SPRY4: variants seen among roughly 807,000 people sequenced by gnomAD.
The protein encoded by SPRY4 is sprouty RTK signaling antagonist 4, also known as protein sprouty homolog 4.
SPRY4 carries 7 observed loss-of-function variants against 17.0 expected under a neutral mutation model. That is an observed-to-expected ratio of 0.41 (90% confidence interval 0.23 to 0.77). The LOEUF (loss-of-function observed/expected upper bound fraction) is 0.77, where lower values mean the gene tolerates loss of function less well. Among genes scored for constraint, SPRY4 ranks in the 30% least tolerant of loss-of-function variants. The pLI is 0.32. For missense variants in SPRY4, 435 were observed against 419.9 expected (o/e 1.04, Z -0.31); for synonymous variants, 183 against 174.1 (o/e 1.05, Z -0.40).
Position 142,314,505 on chromosome 5 carries a change from AAC to A in SPRY4, c.602_603del (p.Cys201PhefsTer12), listed in dbSNP as rs1300184170. 1 of 1,614,188 alleles carries A rather than the reference AAC, an allele frequency of 6.2e-7. No individual in the cohort carries two copies. Among genetic ancestry groups the A allele is most frequent in the East Asian group, 2.2e-5 (1 of 44,878 alleles). ...CAGTGGTAGAAGATGCCCTGCACCAAACACATGCACGTGCCATAGTTGACCAG... is the reference window on the plus strand; with the variant it reads ...CAGTGGTAGAAGATGCCCTGCACCAAACATGCACGTGCCATAGTTGACCAG... ...QTLVNYGTCM[C>X]LVQGIFYHCT... On this transcript the variant is annotated frameshift_variant, in exon 2 of 2. Transcript: ENST00000434127. LOFTEE classifies it high-confidence loss of function. This position sits in a 1 kb window ranked among gnomAD's most constrained non-coding sequence, Gnocchi z 4.8.
chr5:142,313,224 A>G lies in SPRY4; in HGVS notation c.*985T>C, dbSNP rs1758991441. 1 of 152,592 alleles carries G rather than the reference A, an allele frequency of 6.6e-6. No homozygotes were observed. The highest frequency in any genetic ancestry group is 1.9e-4 in the East Asian group (1 of 5,184). The allele number at this position is 152,592 out of a possible 1,614,324, so 9.5% of individuals were successfully genotyped here. A position where few individuals can be genotyped will look rare whatever the true frequency, so the allele number is the denominator to read the frequency against. On this transcript the variant is annotated 3_prime_UTR_variant, in exon 2 of 2. Transcript: ENST00000434127. The stretch of plus-strand genomic sequence containing the variant: ...CCCTTCCTGGGGGTGGCCAAAAGGA[A>G]ACAAGTTGTTTTATTATTATTTTTT...
intron 1 of SPRY4, chr5:142,317,991 T>C (rs917569225): frequency 1.2e-5 from 12 of 985,166 alleles, no homozygotes; most frequent in African/African-American, 3.5e-5. Context: ...CCCGATGTAG[T>C]AGGATTCCTT....
chr5:142,314,436 AGCAGGG>A lies in SPRY4; in HGVS notation c.667_672del (p.Pro223_Cys224del), dbSNP rs1759056663. On this transcript the variant is annotated inframe_deletion, in exon 2 of 2. Transcript: ENST00000434127. The surrounding 1 kb of genome is among the most constrained non-coding windows in gnomAD (Gnocchi z 4.8). ...GCGCAGCAGTTGGAGCGGGAGCAGG[AGCAGGG>A]GTGGTCAGCGCAGGAGCCCTCATCG... The A allele has an allele frequency of 6.2e-7, 1 of 1,614,076 alleles. No individual in the cohort carries two copies.
In SPRY4 at chr5:142,310,562, T is replaced by C. The variant is rs923824113; in HGVS notation, c.*3647A>G. ...AGTAGACTTTCTAAAATAAATACTA[T>C]TAAAATAGAGCTTCAAAATAAATAT... On this transcript the variant is annotated 3_prime_UTR_variant, in exon 2 of 2. Transcript: ENST00000434127. 3.9e-5 allele frequency: 6 copies of C among 152,558 alleles called. No homozygotes were observed. Among genetic ancestry groups the C allele is most frequent in the African/African-American group, 1.4e-4 (6 of 41,422 alleles). The allele number at this position is 152,558 out of a possible 1,614,324, so 9.5% of individuals were successfully genotyped here.
intron 1 of SPRY4, among the ~76,000 whole-genome samples, chr5:142,319,162 G>T (rs577679252): frequency 3.9e-5 from 6 of 152,304 alleles, no homozygotes; most frequent in African/African-American, 1.4e-4. Context: ...GCATGAAAGT[G>T]CCATCACTTT....
chr5:142,311,275 C>T lies in SPRY4; in HGVS notation c.*2934G>A, dbSNP rs2126979478. On this transcript the variant is annotated 3_prime_UTR_variant, in exon 2 of 2. Coordinates refer to ENST00000434127, the MANE Select transcript of SPRY4 (RefSeq NM_001127496.3). The stretch of plus-strand genomic sequence containing the variant: ...TCGCGGAAGCGCTGTCCTTCATTAA[C>T]ACGGGCAGCCAGAGCCCCCTAGAAG... The T allele has an allele frequency of 6.6e-6, 1 of 152,354 alleles. No individual in the cohort carries two copies. Among genetic ancestry groups the T allele is most frequent in the Admixed American group, 6.5e-5 (1 of 15,298 alleles). 9.4% of individuals were successfully genotyped at this position (152,354 alleles called of 1,614,324 possible).
chr5:142,321,454 T>C (rs1030361372), intron 1 of SPRY4, among the ~76,000 whole-genome samples: 3 of 152,364 alleles, frequency 2.0e-5, no homozygotes, highest in African/African-American at 4.8e-5. Flanking sequence ...CCTGGCTCTT[T>C]TGAAAGAGCA....
chr5:142,319,076 C>T (rs538850387), intron 1 of SPRY4, among the ~76,000 whole-genome samples: 2 of 152,296 alleles, frequency 1.3e-5, no homozygotes, highest in Admixed American at 6.5e-5. Context: ...ACAGCAGAGG[C>T]TTCAGAGGCT....
At chr5:142,320,114 GT>G (rs1759297230) in intron 1 of SPRY4, among the ~76,000 whole-genome samples, 1 of 152,142 alleles carries the variant, frequency 6.6e-6, no homozygotes, top group Admixed American at 6.5e-5. Context: ...TTGGTTCTTT[GT>G]GACACTATTC....
Position 142,316,068 on chromosome 5 carries a change from G to A in SPRY4, c.-47-913C>T, listed in dbSNP as rs146549568. On this transcript the variant is annotated intron_variant, in intron 1 of 1. Transcript: ENST00000434127. ...GCAGTGGCTAATAATCCCTGGGTAT[G>A]TGAGCTTCTGACAACTTGGATGGGA... is the stretch of plus-strand genomic sequence containing the variant. 1.9e-3 allele frequency among the ~76,000 whole-genome samples: 296 copies of A among 152,318 alleles called. 1 individual carries two copies. Among genetic ancestry groups the A allele is most frequent in the Non-Finnish European group, 3.3e-3 (227 of 68,038 alleles).
intron 1 of SPRY4, among the ~76,000 whole-genome samples, chr5:142,323,552 C>T (rs1036119716): frequency 1.3e-5 from 2 of 152,168 alleles, no homozygotes; most frequent in Non-Finnish European, 2.9e-5. Flanking sequence ...AAGAGGCAGC[C>T]AGCAGCTCCC....
intron 1 of SPRY4, chr5:142,317,028 T>C (rs1759176480): frequency 1.0e-6 from 1 of 985,344 alleles, no homozygotes; most frequent in African/African-American, 1.7e-5. Context: ...AGCATCACCT[T>C]TGAATTGGCG....
chr5:142,314,659 G>A lies in SPRY4; in HGVS notation c.450C>T (p.Pro150=), dbSNP rs749035667. The part of the protein sequence containing the change: ...PLDLKGPAVP[P]ELDKHFLLCE... ...ACAGCAAGAAGTGCTTGTCCAGCTC[G>A]GGTGGGACCGCCGGGCCCTTGAGGT... Residue 150 remains proline, a synonymous_variant, in exon 2 of 2, where the codon CCC becomes CCT. Coordinates refer to ENST00000434127, the MANE Select transcript of SPRY4 (RefSeq NM_001127496.3). The surrounding 1 kb of genome is among the most constrained non-coding windows in gnomAD (Gnocchi z 4.8). 1.4e-5 allele frequency: 23 copies of A among 1,614,114 alleles called. No individual in the cohort carries two copies. The South Asian group carries it at 1.8e-4, about 12-fold the overall frequency.
At chr5:142,316,546 A>C (rs1171401423) in intron 1 of SPRY4, among the ~76,000 whole-genome samples, 2 of 152,274 alleles carry the variant, frequency 1.3e-5, no homozygotes, top group East Asian at 3.9e-4. Flanking sequence ...GAGAAAGATA[A>C]GTCTTTAAAA....
chr5:142,318,776 C>T (rs1019778271), intron 1 of SPRY4, among the ~76,000 whole-genome samples: 9 of 152,230 alleles, frequency 5.9e-5, no homozygotes, highest in African/African-American at 1.4e-4. Flanking sequence ...CAAAGAAGCA[C>T]CTCTATCAAG....
intron 1 of SPRY4, among the ~76,000 whole-genome samples, chr5:142,324,584 G>A (rs577552073): frequency 4.6e-5 from 7 of 152,350 alleles, no homozygotes; most frequent in East Asian, 1.9e-4. Context: ...AGTCTCAGAG[G>A]GCGGGGAAGC....
intron 1 of SPRY4, among the ~76,000 whole-genome samples, chr5:142,322,810 T>C (rs1759391229): frequency 6.6e-6 from 1 of 152,186 alleles, no homozygotes; most frequent in Admixed American, 6.5e-5. Flanking sequence ...CCTACACCCG[T>C]ACTGGCCACA....
chr5:142,311,129 C>A lies in SPRY4; in HGVS notation c.*3080G>T, dbSNP rs554158619. 2 of 152,156 alleles carry A rather than the reference C, an allele frequency of 1.3e-5. No individual in the cohort carries two copies. Among genetic ancestry groups the A allele is most frequent in the Non-Finnish European group, 2.9e-5 (2 of 68,036 alleles). The allele number at this position is 152,156 out of a possible 1,614,324, so 9.4% of individuals were successfully genotyped here. On this transcript the variant is annotated 3_prime_UTR_variant, in exon 2 of 2. Transcript: ENST00000434127. ...CTTCCATCTCAGCTCTGAGGGGGTG[C>A]GTACCAAAGGACCAAAGGAAGGGAT... is the stretch of plus-strand genomic sequence containing the variant.
chr5:142,324,230 G>C lies in SPRY4; in HGVS notation c.-48+614C>G, dbSNP rs148230550. 5.9e-5 allele frequency: 9 copies of C among 152,488 alleles called. No homozygotes were observed. The East Asian group carries it at 1.7e-3, about 29-fold the overall frequency. 9.4% of individuals were successfully genotyped at this position (152,488 alleles called of 1,614,324 possible). ...GACGGCGAGGAACCGCCTCGCCAAG[G>C]AGAGGGAGTAGGAATGCCCAGTCCT... On this transcript the variant is annotated intron_variant, in intron 1 of 1. Transcript: ENST00000434127.
Sources: gnomAD v4.1 joint callset for allele counts (sites outside exome capture counted in the v4.1 genomes callset) on GRCh38, gnomAD v4.1.1 for gene constraint, Gnocchi (gnomAD v3.1) non-coding constraint, MANE v1.5 for transcripts, NCBI Gene and HGNC (gene_info 2026-07-23, HGNC 2026-07-21) for gene names.